The following ADCY10 variants were observed in gnomAD, a reference collection of about 807,000 sequenced individuals.
ADCY10 encodes adenylate cyclase type 10.
ADCY10 carries 156 observed loss-of-function variants against 183.3 expected under a neutral mutation model. The ratio of observed to expected loss-of-function variants is 0.85; its 90% CI spans 0.75 to 0.97. The LOEUF is 0.97. ADCY10 is among the 50% of genes least tolerant of loss of function. The pLI, the probability that ADCY10 is intolerant of heterozygous loss-of-function variation, is 0.00. For synonymous variants in ADCY10, 645 were observed against 670.0 expected (o/e 0.96, Z 0.58); for missense variants, 1,745 against 1,934.3 (o/e 0.90, Z 1.84).
intron 25 of ADCY10, among the ~76,000 whole-genome samples, chr1:167,829,795 G>A (rs1025787237): frequency 2.0e-5 from 3 of 152,322 alleles, no homozygotes; most frequent in Middle Eastern, 3.4e-3. Context: ...ATTTGAGGAA[G>A]GTGAGACTCA....
rs1409180177 is a variant in ADCY10 at position 167,837,297 on chromosome 1, G to A, written c.3029C>T (p.Ser1010Phe). ...AGATGTCTCAGGAATCTCTGAGTTG[G>A]ACAAGATAAGCTTTTCTTCAGCTAG... ...GFKTEEKLIL[S>F]NSEIPETSAF... is the part of the protein sequence containing the mutation. The change falls in exon 22 of 33, where the codon TCC becomes TTC. Residue 1010 changes from serine to phenylalanine, a missense_variant. Coordinates refer to ENST00000367851, the MANE Select transcript of ADCY10 (RefSeq NM_018417.6). 1.9e-6 allele frequency: 3 copies of A among 1,614,016 alleles called. No individual in the cohort carries two copies. The East Asian group carries it at 6.7e-5, about 36-fold the overall frequency.
rs1667660089 is a variant in ADCY10, at chr1:167,878,631, A to G, written c.1221T>C (p.Ile407=). 6.2e-7 allele frequency: 1 copy of G among 1,613,934 alleles called. No individual in the cohort carries two copies. The change falls in exon 12 of 33, where the codon ATT becomes ATC. Residue 407 remains isoleucine (I), a synonymous_variant. Transcript: ENST00000367851. ...GHTVRHEYTV[I]GQKVNLAARM... is the part of the protein sequence containing the mutation. ...TGGCAGCTAAGTTGACTTTTTGACCAATGACTATAGCAAGAAAGAGAAAGT... is the reference window on the plus strand; with the variant it reads ...TGGCAGCTAAGTTGACTTTTTGACCGATGACTATAGCAAGAAAGAGAAAGT...
intron 23 of ADCY10, among the ~76,000 whole-genome samples, chr1:167,835,453 G>A (rs1343379793): frequency 6.6e-6 from 1 of 152,148 alleles, no homozygotes; most frequent in Non-Finnish European, 1.5e-5. Context: ...ATTTCTATGG[G>A]CATAGTGCCC....
At chr1:167,887,314 A>C (rs2102305454) in intron 8 of ADCY10, among the ~76,000 whole-genome samples, 1 of 152,374 alleles carries the variant, frequency 6.6e-6, no homozygotes, top group East Asian at 1.9e-4. Context: ...CATCAGTGGT[A>C]GACTGGATTA....
At chr1:167,891,382 C>T (rs908093538) in intron 8 of ADCY10, among the ~76,000 whole-genome samples, 5 of 151,698 alleles carry the variant, frequency 3.3e-5, no homozygotes, top group Admixed American at 6.6e-5. Flanking sequence ...TTGGGTCGGG[C>T]GCAGTGGCTC....
intron 1 of ADCY10, among the ~76,000 whole-genome samples, chr1:167,907,933 C>T (rs1319102298): frequency 6.6e-6 from 1 of 152,162 alleles, no homozygotes; most frequent in African/African-American, 2.4e-5. Context: ...AGAGGTAAGC[C>T]TCCATGGGCA....
At position 167,896,454 on chromosome 1, in the gene ADCY10, A is replaced by AGTAG. The variant is rs113372884; in HGVS notation, c.739+137_739+140dup. The AGTAG allele has an allele frequency of 3.5e-3, 2,653 of 755,888 alleles. 52 individuals are homozygous for AGTAG. In the African/African-American group the frequency reaches 0.041, roughly 12 times the overall value. The allele number at this position is 755,888 out of a possible 1,614,324, so 46.8% of individuals were successfully genotyped here. A position where few individuals can be genotyped will look rare whatever the true frequency, so the allele number is the denominator to read the frequency against. Reference sequence around the variant, plus strand: ...AGAATTGCTGTCCCGGAGAATGGGAAGTAGGTCCCCTTTGTGTGCTGGTAA... The same window carrying AGTAG: ...AGAATTGCTGTCCCGGAGAATGGGAAGTAGGTAGGTCCCCTTTGTGTGCTGGTAA... On this transcript the variant is annotated intron_variant, in intron 7 of 32. Coordinates refer to ENST00000367851, the MANE Select transcript of ADCY10 (RefSeq NM_018417.6).
chr1:167,857,775 CT>C (rs1331234973), intron 16 of ADCY10, among the ~76,000 whole-genome samples: 2 of 152,206 alleles, frequency 1.3e-5, no homozygotes, highest in African/African-American at 2.4e-5. Flanking sequence ...AGTTAAGTAA[CT>C]TGCCCAGGGT....
intron 31 of ADCY10, among the ~76,000 whole-genome samples, chr1:167,813,994 T>TG (rs1662369640): frequency 6.6e-6 from 1 of 151,748 alleles, no homozygotes; most frequent in Admixed American, 6.6e-5. Flanking sequence ...CAAAAGAAAA[T>TG]GGGGAAAGAA....
rs551753178 is a variant in ADCY10, at chr1:167,846,125, T to C, written c.2576A>G (p.Lys859Arg). 2.0e-5 allele frequency: 33 copies of C among 1,614,188 alleles called. No homozygotes were observed. The South Asian group carries it at 2.9e-4, about 14-fold the overall frequency. The change falls in exon 20 of 33, where the codon AAG (lysine) becomes AGG (arginine). Residue 859 changes from lysine to arginine, a missense_variant. Coordinates refer to ENST00000367851, the MANE Select transcript of ADCY10 (RefSeq NM_018417.6). ...AGATTCCACTAGGGTTGCCAGGGTC[T>C]TGATCATCATCTTCATATTCCAACA... ...LPCWNMKMMI[K>R]TLATLVESNI...
At chr1:167,885,701 C>T (rs755018482) in intron 8 of ADCY10, among the ~76,000 whole-genome samples, 3 of 152,074 alleles carry the variant, frequency 2.0e-5, no homozygotes, top group Admixed American at 6.6e-5. Flanking sequence ...CTGCAACCTC[C>T]GCCTCCTGGG....
intron 9 of ADCY10, 146 bp downstream of exon 9, chr1:167,883,291 G>A (rs924823564): frequency 1.2e-6 from 1 of 844,104 alleles, no homozygotes. Flanking sequence ...GCCCACCTCT[G>A]CCTCCCAAAG....
chr1:167,906,527 C>T (rs1408162585), intron 1 of ADCY10, among the ~76,000 whole-genome samples: 1 of 151,580 alleles, frequency 6.6e-6, no homozygotes, highest in East Asian at 1.9e-4. Context: ...GTGGTTTGTG[C>T]CTATAATCCC....
chr1:167,820,167 C>T, intron 30 of ADCY10: 1 of 1,541,362 alleles, frequency 6.5e-7, no homozygotes, highest in Non-Finnish European at 8.7e-7. Context: ...CCCGCAGATT[C>T]CCCGAATGCC....
At chr1:167,872,442 A>T (rs1667173088) in intron 13 of ADCY10, among the ~76,000 whole-genome samples, 1 of 151,982 alleles carries the variant, frequency 6.6e-6, no homozygotes, top group Non-Finnish European at 1.5e-5. Flanking sequence ...CTACTGGTAG[A>T]ACCTTATGGA....
At chr1:167,900,556 G>A (rs1234821420) in intron 5 of ADCY10, among the ~76,000 whole-genome samples, 2 of 151,504 alleles carry the variant, frequency 1.3e-5, no homozygotes, top group African/African-American at 4.9e-5. Flanking sequence ...TTTTGAGATG[G>A]AGTTTCACGC....
intron 26 of ADCY10, among the ~76,000 whole-genome samples, 200 bp downstream of exon 26, chr1:167,829,067 G>A (rs1009907210): frequency 6.6e-5 from 10 of 152,232 alleles, no homozygotes; most frequent in Admixed American, 5.2e-4. Flanking sequence ...AAGCTATTCG[G>A]GATCTTCAAT....
chr1:167,907,518 C>T (rs560507280), intron 1 of ADCY10, among the ~76,000 whole-genome samples: 2 of 152,230 alleles, frequency 1.3e-5, no homozygotes, highest in Non-Finnish European at 2.9e-5. Flanking sequence ...CCAGAAGTGA[C>T]GTATTTCACT....
chr1:167,879,010 G>A (rs1301010700), intron 11 of ADCY10, among the ~76,000 whole-genome samples: 1 of 152,200 alleles, frequency 6.6e-6, no homozygotes, highest in East Asian at 1.9e-4. Flanking sequence ...CTGGGGTACT[G>A]ATCTCCATAT....
Sources: allele counts gnomAD v4.1 joint callset (sites outside exome capture counted in the v4.1 genomes callset), GRCh38; gene constraint gnomAD v4.1.1; transcripts MANE v1.5; gene names NCBI Gene and HGNC (gene_info 2026-07-23, HGNC 2026-07-21).